MTCL3: variants seen among roughly 807,000 people sequenced by gnomAD.
The protein encoded by MTCL3 is MTCL family member 3, also known as microtubule cross-linking factor 3.
At chr6:127,481,183 A>G in the MTCL3 span, 1 of 597,772 alleles carries the variant, frequency 1.7e-6, no homozygotes, top group African/African-American at 2.0e-5. Flanking sequence ...AGAATAAATA[A>G]ACTTTTAACA....
chr6:127,497,829 A>G, the MTCL3 span, among the ~76,000 whole-genome samples: 1 of 152,244 alleles, frequency 6.6e-6, no homozygotes, highest in African/African-American at 2.4e-5. Context: ...CACTGAGTCA[A>G]AACAAATCAA....
chr6:127,507,179 C>CA, the MTCL3 span, among the ~76,000 whole-genome samples: 3 of 152,090 alleles, frequency 2.0e-5, no homozygotes, highest in Admixed American at 1.3e-4. Context: ...ACATCAAAAT[C>CA]AATAGATATT....
At chr6:127,475,052 T>C in the MTCL3 span, among the ~76,000 whole-genome samples, 2 of 152,224 alleles carry the variant, frequency 1.3e-5, no homozygotes, top group African/African-American at 4.8e-5. This position sits in a 1 kb window ranked among gnomAD's most constrained non-coding sequence, Gnocchi z 7.3. Context: ...GTTTTCCTTT[T>C]AAACAAAACA....
At chr6:127,514,970 C>G in the MTCL3 span, 1 of 1,614,190 alleles carries the variant, frequency 6.2e-7, no homozygotes, top group Non-Finnish European at 8.5e-7. Context: ...GGCGCATTTC[C>G]TGCAGTTGAC....
the MTCL3 span, chr6:127,515,085 G>C: frequency 6.3e-7 from 1 of 1,577,268 alleles, no homozygotes; most frequent in Non-Finnish European, 8.7e-7. The surrounding 1 kb of genome is among the most constrained non-coding windows in gnomAD (Gnocchi z 4.3). Context: ...AATCAAACTC[G>C]CTTCCAGCCC....
chr6:127,475,850 T>C, the MTCL3 span: 1 of 1,613,564 alleles, frequency 6.2e-7, no homozygotes, highest in South Asian at 1.1e-5. This position sits in a 1 kb window ranked among gnomAD's most constrained non-coding sequence, Gnocchi z 7.3. Flanking sequence ...AGCACGCGGT[T>C]CTCGTACTGC....
chr6:127,492,878 T>C, the MTCL3 span, among the ~76,000 whole-genome samples: 2 of 152,210 alleles, frequency 1.3e-5, no homozygotes, highest in Non-Finnish European at 2.9e-5. Context: ...AAAGTTCACT[T>C]TTCCAGTTCT....
chr6:127,518,767 G>T, the MTCL3 span: 7 of 152,150 alleles, frequency 4.6e-5, no homozygotes, highest in African/African-American at 1.7e-4. Flanking sequence ...ACACCCACTC[G>T]ATTTCTCCAA....
chr6:127,475,952 G>C, the MTCL3 span: 8 of 1,612,026 alleles, frequency 5.0e-6, no homozygotes, highest in Non-Finnish European at 5.9e-6. The surrounding 1 kb of genome is among the most constrained non-coding windows in gnomAD (Gnocchi z 7.3). Flanking sequence ...TTGTCGTGGT[G>C]CCGCGCGCTG....
chr6:127,499,838 G>A, the MTCL3 span, among the ~76,000 whole-genome samples: 1 of 152,198 alleles, frequency 6.6e-6, no homozygotes, highest in Non-Finnish European at 1.5e-5. Flanking sequence ...GAAGGTGGGA[G>A]AAGAGATGGT....
the MTCL3 span, chr6:127,515,155 C>G: frequency 2.0e-6 from 2 of 1,016,976 alleles, no homozygotes; most frequent in African/African-American, 1.6e-5. This position sits in a 1 kb window ranked among gnomAD's most constrained non-coding sequence, Gnocchi z 4.3. Flanking sequence ...TAATTGCCCT[C>G]TCTCTCCACG....
chr6:127,515,777 C>A, the MTCL3 span: 5 of 1,606,526 alleles, frequency 3.1e-6, no homozygotes, highest in Admixed American at 1.7e-5. The surrounding 1 kb of genome is among the most constrained non-coding windows in gnomAD (Gnocchi z 4.3). Context: ...CCGTTCTTAG[C>A]GTGCATCTGA....
chr6:127,479,272 C>A, the MTCL3 span, among the ~76,000 whole-genome samples: 1 of 152,160 alleles, frequency 6.6e-6, no homozygotes, highest in Non-Finnish European at 1.5e-5. Flanking sequence ...GCAGTGAAGA[C>A]GACCAGAGGT....
chr6:127,512,304 T>C, the MTCL3 span, among the ~76,000 whole-genome samples: 7 of 146,906 alleles, frequency 4.8e-5, no homozygotes, highest in Non-Finnish European at 9.0e-5. Flanking sequence ...ATATATCATG[T>C]AAAAAAAAAA....
chr6:127,502,645 A>C, the MTCL3 span, among the ~76,000 whole-genome samples: 4 of 152,222 alleles, frequency 2.6e-5, no homozygotes, highest in Non-Finnish European at 5.9e-5. Flanking sequence ...CTAAAATTTT[A>C]TTCTGATAGA....
At chr6:127,516,013 A>G in the MTCL3 span, 1 of 1,590,222 alleles carries the variant, frequency 6.3e-7, no homozygotes, top group Non-Finnish European at 8.5e-7. Flanking sequence ...CTGAGCGCGT[A>G]CGCCTTTCCC....
At chr6:127,490,815 T>TCAAA in the MTCL3 span, among the ~76,000 whole-genome samples, 598 of 152,006 alleles carry the variant, frequency 3.9e-3, 3 homozygotes, top group African/African-American at 0.013. Flanking sequence ...AGACTCCATC[T>TCAAA]CAAACAAACA....
the MTCL3 span, among the ~76,000 whole-genome samples, chr6:127,514,267 GT>G: frequency 1.5e-3 from 220 of 150,184 alleles, 1 homozygote; most frequent in East Asian, 4.5e-3. Flanking sequence ...TTGGTTATCT[GT>G]TTTTTTTTTC....
At chr6:127,484,126 A>T in the MTCL3 span, among the ~76,000 whole-genome samples, 1 of 152,228 alleles carries the variant, frequency 6.6e-6, no homozygotes, top group South Asian at 2.1e-4. Flanking sequence ...ATAGACTGAC[A>T]GTAAAAATAG....
Sources: allele counts gnomAD v4.1 joint callset (sites outside exome capture counted in the v4.1 genomes callset), GRCh38; gene constraint gnomAD v4.1.1; non-coding constraint Gnocchi (gnomAD v3.1); transcripts MANE v1.5; gene names NCBI Gene and HGNC (gene_info 2026-07-23, HGNC 2026-07-21).